MALRD1: variants seen among roughly 807,000 people sequenced by gnomAD.
The protein encoded by MALRD1 is MAM and LDL-receptor class A domain-containing protein 1.
In MALRD1, 247 loss-of-function variants were observed where a neutral mutation model predicts 242.1. The ratio of observed to expected loss-of-function variants is 1.02; its 90% CI spans 0.92 to 1.13. MALRD1 has a LOEUF of 1.13. Among genes scored for constraint, MALRD1 ranks in the 50% most tolerant of loss-of-function variants. The pLI, the probability that MALRD1 is intolerant of heterozygous loss-of-function variation, is 0.00. For synonymous variants in MALRD1, 995 were observed against 866.6 expected (o/e 1.15, Z -2.60); for missense variants, 2,989 against 2,533.1 (o/e 1.18, Z -3.86).
chr10:19,642,656 A>G (rs536587075), intron 36 of MALRD1, among the ~76,000 whole-genome samples: 47 of 152,300 alleles, frequency 3.1e-4, no homozygotes, highest in African/African-American at 1.0e-3. Flanking sequence ...AGCAACAACA[A>G]AAATCACATT....
At chr10:19,154,535 T>G (rs1834061880) in intron 11 of MALRD1, among the ~76,000 whole-genome samples, 1 of 152,162 alleles carries the variant, frequency 6.6e-6, no homozygotes, top group Non-Finnish European at 1.5e-5. Flanking sequence ...CCCTGCACAT[T>G]TGCCATGAGC....
chr10:19,482,340 A>T (rs1264994248), intron 29 of MALRD1, among the ~76,000 whole-genome samples: 1 of 152,076 alleles, frequency 6.6e-6, no homozygotes, highest in Middle Eastern at 3.2e-3. Flanking sequence ...AAGATAGATG[A>T]CAAGGAAAAT....
chr10:19,611,278 G>A (rs1385972485), intron 35 of MALRD1, among the ~76,000 whole-genome samples: 1 of 151,902 alleles, frequency 6.6e-6, no homozygotes, highest in African/African-American at 2.4e-5. Context: ...CAGGACTTAG[G>A]TGGTTATCAA....
chr10:19,236,099 T>C (rs1838305734), intron 18 of MALRD1, among the ~76,000 whole-genome samples: 1 of 152,194 alleles, frequency 6.6e-6, no homozygotes, highest in Admixed American at 6.5e-5. Context: ...GGAGTTCATA[T>C]GCATCTGTTA....
chr10:19,715,737 G>A (rs1834352581), intron 38 of MALRD1, among the ~76,000 whole-genome samples: 1 of 152,168 alleles, frequency 6.6e-6, no homozygotes, highest in East Asian at 1.9e-4. Context: ...TCTGCTTATG[G>A]TGAGGCCTCA....
intron 29 of MALRD1, among the ~76,000 whole-genome samples, chr10:19,452,084 G>C (rs1835359624): frequency 6.6e-6 from 1 of 152,162 alleles, no homozygotes; most frequent in Non-Finnish European, 1.5e-5. Flanking sequence ...ATTATGGTTA[G>C]TAACTCAATC....
intron 5 of MALRD1, among the ~76,000 whole-genome samples, chr10:19,114,505 C>T (rs573033301): frequency 2.0e-5 from 3 of 152,108 alleles, no homozygotes; most frequent in East Asian, 3.9e-4. Context: ...GGCATGATGG[C>T]GTGCAGCTGT....
chr10:19,376,542 C>CTTTTTT, intron 26 of MALRD1, among the ~76,000 whole-genome samples: 1 of 94,986 alleles, frequency 1.1e-5, no homozygotes, highest in Admixed American at 1.2e-4. Context: ...TTGATACATT[C>CTTTTTT]TTTTTTTTTT....
At chr10:19,713,094 T>C (rs1834217270) in intron 38 of MALRD1, among the ~76,000 whole-genome samples, 2 of 152,172 alleles carry the variant, frequency 1.3e-5, no homozygotes, top group South Asian at 4.1e-4. Flanking sequence ...CCTCTGTCTC[T>C]GTACAGGGGA....
chr10:19,258,364 C>G (rs1396489449), intron 19 of MALRD1, among the ~76,000 whole-genome samples: 2 of 151,980 alleles, frequency 1.3e-5, no homozygotes, highest in Non-Finnish European at 2.9e-5. Context: ...TAAACACAAC[C>G]CAGGCCTTGA....
intron 32 of MALRD1, among the ~76,000 whole-genome samples, chr10:19,547,067 T>C (rs1395244491): frequency 6.6e-6 from 1 of 152,168 alleles, no homozygotes. Context: ...GCAGTGATAC[T>C]GTTCATTGAG....
At chr10:19,532,493 A>T (rs1476057097) in intron 32 of MALRD1, among the ~76,000 whole-genome samples, 1 of 151,994 alleles carries the variant, frequency 6.6e-6, no homozygotes, top group Non-Finnish European at 1.5e-5. Context: ...TGACCTCATG[A>T]TCCACCCACC....
At chr10:19,698,384 G>A (rs542340490) in intron 38 of MALRD1, among the ~76,000 whole-genome samples, 1 of 152,278 alleles carries the variant, frequency 6.6e-6, no homozygotes, top group East Asian at 1.9e-4. Flanking sequence ...AACTGCCAAA[G>A]ACTACTAATA....
chr10:19,218,468 G>A (rs1191917383), intron 18 of MALRD1, among the ~76,000 whole-genome samples: 1 of 152,056 alleles, frequency 6.6e-6, no homozygotes, highest in Admixed American at 6.6e-5. Flanking sequence ...TGTGATACTT[G>A]CACTTAAGTC....
intron 29 of MALRD1, among the ~76,000 whole-genome samples, chr10:19,467,109 C>T (rs1836250400): frequency 6.6e-6 from 1 of 151,926 alleles, no homozygotes; most frequent in Admixed American, 6.6e-5. Flanking sequence ...AATCCCAGCA[C>T]TTTGGGAGGC....
intron 35 of MALRD1, among the ~76,000 whole-genome samples, chr10:19,615,516 CAAAAA>C (rs530920512): frequency 2.7e-5 from 1 of 37,244 alleles, no homozygotes; most frequent in African/African-American, 1.4e-4. Context: ...GACCCTGCCT[CAAAAA>C]AAAAAAAAAA....
chr10:19,648,772 A>T (rs1840750894), intron 36 of MALRD1, among the ~76,000 whole-genome samples: 1 of 152,112 alleles, frequency 6.6e-6, no homozygotes. Flanking sequence ...TTTGGGAGTA[A>T]ATGTGAAAGT....
At chr10:19,514,141 T>C (rs1833527148) in intron 31 of MALRD1, among the ~76,000 whole-genome samples, 1 of 152,218 alleles carries the variant, frequency 6.6e-6, no homozygotes, top group Non-Finnish European at 1.5e-5. Context: ...TGGCCATGGC[T>C]TAAAGATCTT....
chr10:19,048,145 G>A (rs935461901), upstream of MALRD1, among the ~76,000 whole-genome samples: 1 of 152,132 alleles, frequency 6.6e-6, no homozygotes, highest in Non-Finnish European at 1.5e-5. Context: ...GTGAATTCTT[G>A]TGCTATAGAA....
Sources: gnomAD v4.1 joint callset for allele counts (sites outside exome capture counted in the v4.1 genomes callset) on GRCh38, gnomAD v4.1.1 for gene constraint, MANE v1.5 for transcripts, NCBI Gene and HGNC (gene_info 2026-07-23, HGNC 2026-07-21) for gene names.